ART1: variants seen among roughly 807,000 people sequenced by gnomAD.
ART1 encodes GPI-linked NAD(P)(+)--arginine ADP-ribosyltransferase 1.
In ART1, 29 loss-of-function variants were observed where a neutral mutation model predicts 27.0. That is an observed-to-expected ratio of 1.08 (90% CI 0.80 to 1.47). The LOEUF is 1.47. Among genes scored for constraint, ART1 ranks in the 40% most tolerant of loss-of-function variants. The probability of loss-of-function intolerance (pLI) is 0.00; values close to 1 mark genes in which losing one functional copy is unlikely to be tolerated. For missense variants in ART1, 480 were observed against 423.0 expected (o/e 1.13, Z -1.18); for synonymous variants, 201 against 172.2 (o/e 1.17, Z -1.31).
Position 3,660,371 on chromosome 11 carries a change from G to T in ART1, c.844+8G>T. Reference sequence around the variant, plus strand: ...ACTGCGAGTACATCAAAGGTAGGAGGGCAAGCGCTGGTCGGCACCTGTGCG... The same window carrying T: ...ACTGCGAGTACATCAAAGGTAGGAGTGCAAGCGCTGGTCGGCACCTGTGCG... On this transcript the variant is annotated splice_region_variant and intron_variant, in intron 3 of 4. Coordinates refer to ENST00000250693, the MANE Select transcript of ART1 (RefSeq NM_004314.3). 1 of 1,592,952 alleles carries T rather than the reference G, an allele frequency of 6.3e-7. No individual in the cohort carries two copies. Among genetic ancestry groups the T allele is most frequent in the South Asian group, 1.1e-5 (1 of 90,726 alleles).
intron 1 of ART1, among the ~76,000 whole-genome samples, chr11:3,650,448 T>C (rs1237399783): frequency 6.6e-6 from 1 of 152,170 alleles, no homozygotes; most frequent in Non-Finnish European, 1.5e-5. Context: ...CCCTAGACCA[T>C]CAGGGACTCC....
chr11:3,664,086 C>G lies in ART1; in HGVS notation c.887-6C>G, dbSNP rs1169959748. 6.2e-7 allele frequency: 1 copy of G among 1,613,612 alleles called. No individual in the cohort carries two copies. The highest frequency in any genetic ancestry group is 2.2e-5 in the East Asian group (1 of 44,884). On this transcript the variant is annotated splice_polypyrimidine_tract_variant and splice_region_variant and intron_variant, in intron 4 of 4. Coordinates refer to ENST00000250693, the MANE Select transcript of ART1 (RefSeq NM_004314.3). ...CCCCCAACCTCTCTGCCTGTTTTCC[C>G]TGCAGCCATGGGTCAGAGCCCCCTC...
In ART1 at chr11:3,646,751, C is replaced by T. The variant is rs2077472031; in HGVS notation, c.-53+1572C>T. Among the ~76,000 whole-genome samples the T allele has an allele frequency of 2.0e-5, 3 of 152,174 alleles. No individual in the cohort carries two copies. In the South Asian group the frequency reaches 6.2e-4, roughly 32 times the overall value. On this transcript the variant is annotated intron_variant, in intron 1 of 4. Transcript: ENST00000250693. The stretch of plus-strand genomic sequence containing the variant: ...GTCTCCTTGATTGTCCATTCTGCTA[C>T]CTCTTGGACATCTGCTTCAGGGAGT...
intron 1 of ART1, among the ~76,000 whole-genome samples, chr11:3,658,349 AG>A (rs199806282): frequency 1.3e-5 from 2 of 149,320 alleles, no homozygotes; most frequent in African/African-American, 5.0e-5. Context: ...AAAAAAAAAA[AG>A]AGAGAGAAAG....
chr11:3,659,904 A>G lies in ART1; in HGVS notation c.385A>G (p.Lys129Glu). The G allele has an allele frequency of 6.2e-7, 1 of 1,613,072 alleles. No individual in the cohort carries two copies. The highest frequency in any genetic ancestry group is 8.5e-7 in the Non-Finnish European group (1 of 1,179,582). Reference protein sequence around the residue: ...LAYTANSPLHKEFNAAVREAG... With the variant: ...LAYTANSPLHEEFNAAVREAG... ...CTACACAGCCAACAGCCCCCTGCACAAGGAGTTCAATGCAGCCGTGCGTGA... is the reference window on the plus strand; with the variant it reads ...CTACACAGCCAACAGCCCCCTGCACGAGGAGTTCAATGCAGCCGTGCGTGA... Residue 129 changes from lysine to glutamate, a missense_variant, in exon 3 of 5, where the codon AAG becomes GAG. Physicochemically the swap from Lys to Glu is moderately conservative, Grantham distance 56. Coordinates refer to ENST00000250693, the MANE Select transcript of ART1 (RefSeq NM_004314.3).
intron 4 of ART1, among the ~76,000 whole-genome samples, chr11:3,663,598 A>AT (rs1031937100): frequency 6.6e-6 from 1 of 151,812 alleles, no homozygotes; most frequent in Admixed American, 6.6e-5. Flanking sequence ...TATTAAAAAA[A>AT]TTTTTTTTTG....
rs548153737 is a variant in ART1 at position 3,650,296 on chromosome 11, C to T, written c.-53+5117C>T. ...CGTATCCCATCTGTGTGGGACCCCA[C>T]TGAAAATCGGACTGTTCAACTCACC... On this transcript the variant is annotated intron_variant, in intron 1 of 4. Transcript: ENST00000250693. Among the ~76,000 whole-genome samples, 6 of 152,348 alleles carry T rather than the reference C, an allele frequency of 3.9e-5. No homozygotes were observed. The South Asian group carries it at 1.2e-3, about 32-fold the overall frequency.
intron 1 of ART1, among the ~76,000 whole-genome samples, chr11:3,655,261 A>G (rs1254672090): frequency 1.3e-5 from 2 of 152,226 alleles, no homozygotes; most frequent in East Asian, 3.9e-4. Context: ...ACAGACAAGT[A>G]CATGGGTGCA....
chr11:3,655,225 A>G (rs574915191), intron 1 of ART1, among the ~76,000 whole-genome samples: 1 of 152,196 alleles, frequency 6.6e-6, no homozygotes, highest in Non-Finnish European at 1.5e-5. Context: ...AAAGACTCTC[A>G]GTTTCCTTCC....
At chr11:3,649,502 T>C (rs953231489) in intron 1 of ART1, among the ~76,000 whole-genome samples, 9 of 152,162 alleles carry the variant, frequency 5.9e-5, no homozygotes, top group Non-Finnish European at 1.2e-4. Flanking sequence ...GTCCCCTCAG[T>C]CCCAACCCCA....
chr11:3,653,752 G>C (rs1322085553), intron 1 of ART1, among the ~76,000 whole-genome samples: 1 of 151,838 alleles, frequency 6.6e-6, no homozygotes, highest in Non-Finnish European at 1.5e-5. Flanking sequence ...GTCCCCTATA[G>C]CCCATCAGAC....
chr11:3,663,839 G>A (rs2077640563), intron 4 of ART1: 2 of 417,302 alleles, frequency 4.8e-6, no homozygotes, highest in Non-Finnish European at 8.7e-6. Context: ...ATTTAGCAGT[G>A]GGGGGACTGT....
intron 1 of ART1, among the ~76,000 whole-genome samples, chr11:3,648,076 G>C (rs1454636242): frequency 6.6e-6 from 1 of 152,042 alleles, no homozygotes; most frequent in Non-Finnish European, 1.5e-5. Flanking sequence ...GCTCATCCTG[G>C]CTCAAAAGCT....
intron 4 of ART1, 27 bp from the exon 5 acceptor site, chr11:3,664,065 C>G (rs760149770): frequency 6.2e-7 from 1 of 1,610,710 alleles, no homozygotes; most frequent in South Asian, 1.1e-5. Context: ...CTCTCTCCCC[C>G]AACCTCTCTG....
At position 3,659,874 on chromosome 11, in the gene ART1, C is replaced by A. The variant is rs1231634568; in HGVS notation, c.355C>A (p.Leu119Met). Residue 119 changes from leucine (L) to methionine (M), a missense_variant, in exon 3 of 5, where the codon CTG becomes ATG. Transcript: ENST00000250693. Reference protein sequence around the residue: ...GFRDEHGVALLAYTANSPLHK... With the variant: ...GFRDEHGVALMAYTANSPLHK... Reference sequence around the variant, plus strand: ...CCGCGATGAGCATGGGGTGGCCCTCCTGGCCTACACAGCCAACAGCCCCCT... The same window carrying A: ...CCGCGATGAGCATGGGGTGGCCCTCATGGCCTACACAGCCAACAGCCCCCT... 1.2e-6 allele frequency: 2 copies of A among 1,612,686 alleles called. No homozygotes were observed. The highest frequency in any genetic ancestry group is 1.7e-6 in the Non-Finnish European group (2 of 1,179,624).
chr11:3,655,025 A>C (rs967292571), intron 1 of ART1, among the ~76,000 whole-genome samples: 1 of 152,234 alleles, frequency 6.6e-6, no homozygotes, highest in Non-Finnish European at 1.5e-5. Context: ...GTGGCAAACA[A>C]ACATTTACTC....
chr11:3,657,163 T>G (rs2077581858), intron 1 of ART1, among the ~76,000 whole-genome samples: 1 of 152,222 alleles, frequency 6.6e-6, no homozygotes, highest in African/African-American at 2.4e-5. Flanking sequence ...ATAACCACCT[T>G]GATATTTATG....
chr11:3,662,838 C>G (rs546820949), intron 4 of ART1, among the ~76,000 whole-genome samples: 1 of 152,296 alleles, frequency 6.6e-6, no homozygotes, highest in South Asian at 2.1e-4. Flanking sequence ...GAGCGAAACT[C>G]TGTCTCAAAA....
chr11:3,648,364 T>G (rs1039342042), intron 1 of ART1, among the ~76,000 whole-genome samples: 4 of 152,188 alleles, frequency 2.6e-5, no homozygotes, highest in Non-Finnish European at 5.9e-5. Context: ...TCCCCTGTCC[T>G]CCTGCTCTTT....
Sources: allele counts gnomAD v4.1 joint callset (sites outside exome capture counted in the v4.1 genomes callset), GRCh38; gene constraint gnomAD v4.1.1; transcripts MANE v1.5; gene names NCBI Gene and HGNC (gene_info 2026-07-23, HGNC 2026-07-21).